The following SLC16A10 variants were observed in gnomAD, a reference collection of about 807,000 sequenced individuals.
The protein encoded by SLC16A10 is solute carrier family 16 member 10.
A neutral mutation model predicts 40.0 loss-of-function variants in SLC16A10; 27 were observed. The ratio of observed to expected loss-of-function variants is 0.67; its 90% CI spans 0.50 to 0.93. The LOEUF is 0.93. Among genes scored for constraint, SLC16A10 ranks in the 40% least tolerant of loss-of-function variants. The pLI, the probability that SLC16A10 is intolerant of heterozygous loss-of-function variation, is 0.00. For missense variants in SLC16A10, 529 were observed against 658.2 expected (o/e 0.80, Z 2.15); for synonymous variants, 213 against 249.8 (o/e 0.85, Z 1.39).
At chr6:111,094,171 A>C (rs73528965) in intron 1 of SLC16A10, among the ~76,000 whole-genome samples, 1 of 152,166 alleles carries the variant, frequency 6.6e-6, no homozygotes. Flanking sequence ...GTGATTTGCT[A>C]CATCTTTTTG....
chr6:111,197,975 A>G (rs1206864243), intron 3 of SLC16A10, among the ~76,000 whole-genome samples: 1 of 152,208 alleles, frequency 6.6e-6, no homozygotes, highest in African/African-American at 2.4e-5. Flanking sequence ...GAAGGGACAA[A>G]CATTCAAACC....
At chr6:111,154,919 A>G (rs1416187274) in intron 1 of SLC16A10, among the ~76,000 whole-genome samples, 1 of 149,118 alleles carries the variant, frequency 6.7e-6, no homozygotes, top group Non-Finnish European at 1.5e-5. Context: ...GCTACTTGGG[A>G]GGCTGAGGCA....
In SLC16A10 at chr6:111,224,900, A is replaced by G. The variant is rs1254242706; in HGVS notation, c.*2665A>G. On this transcript the variant is annotated 3_prime_UTR_variant, in exon 6 of 6. Transcript: ENST00000368851. ...GAGAGTCTGAAAAGAATACAGAGTC[A>G]GAACTCTGTTTTTATCTCCTCATCC... 6.6e-6 allele frequency: 1 copy of G among 152,224 alleles called. No homozygotes were observed. The highest frequency in any genetic ancestry group is 2.4e-5 in the African/African-American group (1 of 41,462). 9.4% of individuals were successfully genotyped at this position (152,224 alleles called of 1,614,324 possible). A position where few individuals can be genotyped will look rare whatever the true frequency, so the allele number is the denominator to read the frequency against.
At chr6:111,094,103 A>AT (rs1001696557) in intron 1 of SLC16A10, among the ~76,000 whole-genome samples, 3 of 152,104 alleles carry the variant, frequency 2.0e-5, no homozygotes, top group Admixed American at 6.5e-5. Context: ...AGCATAACAC[A>AT]TTTTTTCAGG....
intron 1 of SLC16A10, among the ~76,000 whole-genome samples, chr6:111,165,335 C>A (rs1772452468): frequency 6.6e-6 from 1 of 152,110 alleles, no homozygotes; most frequent in South Asian, 2.1e-4. Context: ...CAGAAGTTAT[C>A]TTAGGGCCTC....
chr6:111,089,923 T>G (rs1466249957), intron 1 of SLC16A10, among the ~76,000 whole-genome samples: 2 of 109,950 alleles, frequency 1.8e-5, no homozygotes, highest in Admixed American at 8.9e-5. Context: ...TTTTTTTTTT[T>G]TTTTTTTTTT....
intron 3 of SLC16A10, among the ~76,000 whole-genome samples, chr6:111,181,967 CT>C (rs1256333877): frequency 6.6e-6 from 1 of 151,614 alleles, no homozygotes; most frequent in Non-Finnish European, 1.5e-5. Context: ...TTTCTGGAAT[CT>C]TTTTTTGTTT....
At chr6:111,185,024 T>C (rs1772869665) in intron 3 of SLC16A10, among the ~76,000 whole-genome samples, 1 of 152,210 alleles carries the variant, frequency 6.6e-6, no homozygotes, top group African/African-American at 2.4e-5. Flanking sequence ...AGGAACAGCA[T>C]ACAAGCCTTC....
At chr6:111,093,314 G>A (rs181833751) in intron 1 of SLC16A10, among the ~76,000 whole-genome samples, 5 of 152,230 alleles carry the variant, frequency 3.3e-5, no homozygotes, top group East Asian at 3.9e-4. Flanking sequence ...AATCTTTAAC[G>A]CAACTCTACA....
At chr6:111,132,366 C>T (rs1771799840) in intron 1 of SLC16A10, among the ~76,000 whole-genome samples, 1 of 152,136 alleles carries the variant, frequency 6.6e-6, no homozygotes, top group Admixed American at 6.5e-5. Context: ...TTCTCCTGAC[C>T]CTGTAACACT....
At chr6:111,193,673 TAA>T (rs1202629118) in intron 3 of SLC16A10, among the ~76,000 whole-genome samples, 6 of 152,202 alleles carry the variant, frequency 3.9e-5, no homozygotes, top group Non-Finnish European at 7.3e-5. Context: ...TATTTATAGA[TAA>T]TTGAATAGTA....
intron 1 of SLC16A10, among the ~76,000 whole-genome samples, chr6:111,100,986 C>CTATA (rs1210419070): frequency 1.5e-4 from 13 of 89,350 alleles, no homozygotes; most frequent in South Asian, 6.0e-4. Flanking sequence ...CTCTCTCTCT[C>CTATA]TCTCTCTATA....
At chr6:111,167,443 C>T (rs957584513) in intron 1 of SLC16A10, among the ~76,000 whole-genome samples, 2 of 152,102 alleles carry the variant, frequency 1.3e-5, no homozygotes, top group African/African-American at 2.4e-5. Context: ...ATGCTTTCAA[C>T]ATGCCCTCCT....
intron 4 of SLC16A10, among the ~76,000 whole-genome samples, chr6:111,208,654 C>T (rs1034751359): frequency 1.3e-5 from 2 of 151,810 alleles, no homozygotes; most frequent in East Asian, 3.9e-4. Context: ...TTGAGATAGT[C>T]ACAAAAGGCC....
chr6:111,189,409 G>C (rs775511159), intron 3 of SLC16A10, among the ~76,000 whole-genome samples: 12 of 152,088 alleles, frequency 7.9e-5, no homozygotes, highest in Non-Finnish European at 1.5e-4. Flanking sequence ...TCAAGAGTTG[G>C]ATTTTTTTAT....
At chr6:111,161,239 A>G (rs1012484706) in intron 1 of SLC16A10, among the ~76,000 whole-genome samples, 1 of 150,998 alleles carries the variant, frequency 6.6e-6, no homozygotes, top group Non-Finnish European at 1.5e-5. Context: ...AAAAAAAAAA[A>G]AAAAAAAGAA....
At chr6:111,104,384 C>A (rs1435327351) in intron 1 of SLC16A10, among the ~76,000 whole-genome samples, 2 of 152,158 alleles carry the variant, frequency 1.3e-5, no homozygotes, top group Non-Finnish European at 2.9e-5. Context: ...GGATAGACTG[C>A]AGGAATTCTG....
rs1023236252 is a variant in SLC16A10, at chr6:111,101,685, C to T, written c.343+13590C>T. 8.1e-4 allele frequency among the ~76,000 whole-genome samples: 124 copies of T among 152,238 alleles called. 1 individual carries two copies. Among genetic ancestry groups the T allele is most frequent in the African/African-American group, 2.8e-3 (115 of 41,548 alleles). The stretch of plus-strand genomic sequence containing the variant: ...TTGCTCAGGCTGGAGTGCCATGGCA[C>T]GATCACGGCTCACTGCAACCTCAAC... On this transcript the variant is annotated intron_variant, in intron 1 of 5. Transcript: ENST00000368851.
intron 1 of SLC16A10, among the ~76,000 whole-genome samples, chr6:111,168,472 T>C (rs1772519866): frequency 6.6e-6 from 1 of 152,146 alleles, no homozygotes; most frequent in South Asian, 2.1e-4. Flanking sequence ...TCTTTATTAT[T>C]ATAATAGCAG....
Sources: allele counts gnomAD v4.1 joint callset (sites outside exome capture counted in the v4.1 genomes callset), GRCh38; gene constraint gnomAD v4.1.1; transcripts MANE v1.5; gene names NCBI Gene and HGNC (gene_info 2026-07-23, HGNC 2026-07-21).